Variants in ASPH observed in about 807,000 individuals in gnomAD.
ASPH encodes aspartyl/asparaginyl beta-hydroxylase.
In ASPH, 100 loss-of-function variants were observed where a neutral mutation model predicts 118.4. The observed-to-expected ratio is 0.84, with a 90% confidence interval of 0.72 to 1.00. ASPH has a LOEUF of 1.00. Ranked by LOEUF, ASPH falls within the 50% of genes least tolerant of loss-of-function variation. ASPH has a pLI of 0.00. For synonymous variants in ASPH, 315 were observed against 325.6 expected, an observed-to-expected ratio of 0.97 and a Z score of 0.35; for missense variants, 920 against 919.5, an observed-to-expected ratio of 1.00 and a Z score of -0.01.
At chr8:61,584,958 G>T (rs1254651356) in intron 14 of ASPH, among the ~76,000 whole-genome samples, 1 of 152,148 alleles carries the variant, frequency 6.6e-6, no homozygotes, top group Non-Finnish European at 1.5e-5. Flanking sequence ...TCAGTTCCCT[G>T]CTCCACTGTG....
chr8:61,646,479 CAGA>C (rs1465040957), intron 6 of ASPH, among the ~76,000 whole-genome samples: 3 of 152,098 alleles, frequency 2.0e-5, no homozygotes, highest in Non-Finnish European at 2.9e-5. Context: ...GCACCCTAAG[CAGA>C]AGAATATAGT....
chr8:61,521,123 T>C (rs1335656052), intron 22 of ASPH, among the ~76,000 whole-genome samples: 4 of 152,122 alleles, frequency 2.6e-5, no homozygotes, highest in South Asian at 4.2e-4. Context: ...AGTGCCTCAT[T>C]TGATGTCTAC....
intron 1 of ASPH, among the ~76,000 whole-genome samples, chr8:61,686,777 C>T (rs1026041150): frequency 2.0e-5 from 3 of 152,080 alleles, no homozygotes; most frequent in African/African-American, 7.2e-5. Flanking sequence ...AAAAGGAATG[C>T]TAAAACTTCA....
At chr8:61,677,095 C>A (rs1363150699) in intron 3 of ASPH, among the ~76,000 whole-genome samples, 1 of 152,030 alleles carries the variant, frequency 6.6e-6, no homozygotes, top group Non-Finnish European at 1.5e-5. Context: ...GTGATCAAGG[C>A]CTTAGCTGGT....
At chr8:61,578,949 G>A in intron 15 of ASPH, 1 of 1,611,378 alleles carries the variant, frequency 6.2e-7, no homozygotes, top group South Asian at 1.1e-5. Flanking sequence ...GGACACATCT[G>A]TGGTGCTGTC....
In ASPH at chr8:61,706,455, A is replaced by AGG. The variant is rs1422556222; in HGVS notation, c.103+7813_103+7814insCC. Among the ~76,000 whole-genome samples, 504 of 141,784 alleles carry AGG rather than the reference A, an allele frequency of 3.6e-3. 2 individuals carry two copies. The highest frequency in any genetic ancestry group is 0.019 in the Middle Eastern group (5 of 268). The allele number at this position is 141,784 out of a possible 152,430, so 93.0% of individuals were successfully genotyped here. On this transcript the variant is annotated intron_variant, in intron 1 of 24. Transcript: ENST00000379454. The stretch of plus-strand genomic sequence containing the variant: ...GAAGAAGAAGAAGAAGAAGAAGAAG[A>AGG]AGGAGGAAGAGGAAGAAGAAGAAGA...
At chr8:61,556,348 C>T (rs1827857565) in intron 18 of ASPH, among the ~76,000 whole-genome samples, 1 of 152,152 alleles carries the variant, frequency 6.6e-6, no homozygotes, top group Non-Finnish European at 1.5e-5. Context: ...GATATGACTT[C>T]AATATTTTTT....
chr8:61,713,365 A>C (rs1838527972), intron 1 of ASPH, among the ~76,000 whole-genome samples: 1 of 152,232 alleles, frequency 6.6e-6, no homozygotes, highest in Non-Finnish European at 1.5e-5. Context: ...TAAAGAAAAT[A>C]CTTCTTTGAC....
intron 3 of ASPH, chr8:61,659,123 A>C (rs1461679442): frequency 1.3e-5 from 2 of 152,308 alleles, no homozygotes; most frequent in African/African-American, 4.8e-5. Context: ...AGCACGTTCT[A>C]GGCAGAGGGA....
intron 1 of ASPH, among the ~76,000 whole-genome samples, chr8:61,691,435 A>T (rs558244800): frequency 7.2e-4 from 109 of 152,378 alleles, no homozygotes; most frequent in Non-Finnish European, 1.2e-3. Flanking sequence ...CACTAAACTT[A>T]GTGCTTGCTA....
At chr8:61,597,196 GAAAAAAAAAA>G (rs34291472) in intron 14 of ASPH, among the ~76,000 whole-genome samples, 1 of 112,804 alleles carries the variant, frequency 8.9e-6, no homozygotes, top group Non-Finnish European at 1.7e-5. Flanking sequence ...ATCCAGTCAG[GAAAAAAAAAA>G]AAAAAAAAAC....
At chr8:61,566,090 A>G (rs1258673229) in intron 17 of ASPH, among the ~76,000 whole-genome samples, 1 of 152,238 alleles carries the variant, frequency 6.6e-6, no homozygotes, top group Non-Finnish European at 1.5e-5. Context: ...TGGTGTTCTC[A>G]TGCCTGCTAA....
chr8:61,699,946 C>G (rs922545073), intron 1 of ASPH, among the ~76,000 whole-genome samples: 1 of 152,172 alleles, frequency 6.6e-6, no homozygotes, highest in African/African-American at 2.4e-5. Flanking sequence ...GTGACGGCTA[C>G]AAGGGAGCTC....
At position 61,502,558 on chromosome 8, in the gene ASPH, T is replaced by C. The variant is rs1026944355; in HGVS notation, c.*801A>G. The stretch of plus-strand genomic sequence containing the variant: ...ACTTTTTCCCCAGAAGCTCTAATAA[T>C]TGGCATTAAAAAAATTTGCATCTGG... On this transcript the variant is annotated 3_prime_UTR_variant, in exon 25 of 25. Coordinates refer to ENST00000379454, the MANE Select transcript of ASPH (RefSeq NM_004318.4). 6 of 152,274 alleles carry C rather than the reference T, an allele frequency of 3.9e-5. No homozygotes were observed. Among genetic ancestry groups the C allele is most frequent in the Admixed American group, 3.9e-4 (6 of 15,282 alleles). The allele number at this position is 152,274 out of a possible 1,614,324, so 9.4% of individuals were successfully genotyped here.
intron 3 of ASPH, chr8:61,655,984 G>T (rs2151184435): frequency 6.6e-6 from 1 of 152,242 alleles, no homozygotes; most frequent in South Asian, 2.1e-4. Flanking sequence ...CCATATGGAA[G>T]AATTTGCCGT....
At chr8:61,522,498 A>G (rs1813488039) in intron 22 of ASPH, among the ~76,000 whole-genome samples, 1 of 152,066 alleles carries the variant, frequency 6.6e-6, no homozygotes, top group Non-Finnish European at 1.5e-5. Context: ...CCCAAATCTC[A>G]TCTTGAATTA....
intron 12 of ASPH, among the ~76,000 whole-genome samples, chr8:61,635,664 T>C (rs979060190): frequency 1.2e-4 from 18 of 152,126 alleles, no homozygotes; most frequent in African/African-American, 4.3e-4. Context: ...CATCATCTAA[T>C]AGTTACTGAA....
At chr8:61,520,698 T>C (rs867058586) in intron 22 of ASPH, among the ~76,000 whole-genome samples, 3 of 152,214 alleles carry the variant, frequency 2.0e-5, no homozygotes, top group East Asian at 3.8e-4. Flanking sequence ...ATGCAGGGCC[T>C]GGGGCTGCTT....
chr8:61,690,717 C>A (rs1043585858), intron 1 of ASPH, among the ~76,000 whole-genome samples: 12 of 152,084 alleles, frequency 7.9e-5, no homozygotes, highest in African/African-American at 2.4e-4. Context: ...AAATTTAAAG[C>A]TTCACAAGCA....
Sources: allele counts gnomAD v4.1 joint callset (sites outside exome capture counted in the v4.1 genomes callset), GRCh38; gene constraint gnomAD v4.1.1; transcripts MANE v1.5; gene names NCBI Gene and HGNC (gene_info 2026-07-23, HGNC 2026-07-21).